Variants in ZC3H12B observed in about 807,000 individuals in gnomAD.
The protein encoded by ZC3H12B is zinc finger CCCH-type containing 12B, also known as probable ribonuclease ZC3H12B.
Under a neutral mutation model 43.9 loss-of-function variants are expected in ZC3H12B, and 7 were observed. The observed-to-expected ratio is 0.16, with a 90% CI of 0.09 to 0.30. The LOEUF is 0.30. Among genes scored for constraint, ZC3H12B ranks in the 10% least tolerant of loss-of-function variants. The pLI, the probability that ZC3H12B is intolerant of heterozygous loss-of-function variation, is 1.00. For synonymous variants in ZC3H12B, 222 were observed against 241.7 expected, an observed-to-expected ratio of 0.92 and a Z score of 0.76; for missense variants, 475 against 670.2, an observed-to-expected ratio of 0.71 and a Z score of 3.22.
At chrX:65,484,387 G>T (rs994145005), upstream of ZC3H12B, among the ~76,000 whole-genome samples, 3 of 112,201 alleles carry the variant, frequency 2.7e-5, no homozygotes, top group Non-Finnish European at 5.6e-5. Context: ...TCTACAAACA[G>T]TGGTCCAGTT....
chrX:65,323,093 C>G, the ZC3H12B span, among the ~76,000 whole-genome samples: 8 of 111,848 alleles, frequency 7.2e-5, no homozygotes, highest in Non-Finnish European at 1.5e-4. Context: ...TGTCAACAAA[C>G]AGCAACTATT....
At chrX:65,495,660 C>G (rs962709900) in intron 1 of ZC3H12B, among the ~76,000 whole-genome samples, 1 of 111,903 alleles carries the variant, frequency 8.9e-6, no homozygotes, top group Admixed American at 9.5e-5. Flanking sequence ...GCACTAGATA[C>G]CATGCTAAGA....
chrX:65,471,445 ATTTTTTTTT>A (rs781370409), intron 3 of ZC3H12B, among the ~76,000 whole-genome samples: 2 of 61,082 alleles, frequency 3.3e-5, no homozygotes, highest in Non-Finnish European at 5.9e-5. Context: ...TTGGTTTGTG[ATTTTTTTTT>A]TTTTTTTTTT....
the ZC3H12B span, among the ~76,000 whole-genome samples, chrX:65,340,628 A>G: frequency 0.22 from 24,771 of 111,436 alleles, 6,686 homozygotes; most frequent in African/African-American, 0.77. Context: ...CAGAAATGAA[A>G]CAAATCAACT....
the ZC3H12B span, among the ~76,000 whole-genome samples, chrX:65,229,287 G>T: frequency 8.9e-5 from 10 of 111,975 alleles, no homozygotes; most frequent in Non-Finnish European, 1.5e-4. Flanking sequence ...ATGGGGAAAG[G>T]ATTCCCGATT....
chrX:65,154,189 C>G, the ZC3H12B span, among the ~76,000 whole-genome samples: 1 of 111,212 alleles, frequency 9.0e-6, no homozygotes, highest in African/African-American at 3.3e-5. Flanking sequence ...ATGTAACTAA[C>G]CTGCACATTG....
the ZC3H12B span, among the ~76,000 whole-genome samples, chrX:65,179,862 A>C: frequency 8.9e-6 from 1 of 112,170 alleles, no homozygotes; most frequent in Non-Finnish European, 1.9e-5. Context: ...TGAGAAATTA[A>C]TTGTCTGTCC....
At chrX:65,245,407 A>G in the ZC3H12B span, among the ~76,000 whole-genome samples, 15,889 of 111,466 alleles carry the variant, frequency 0.14, 2,738 homozygotes, top group African/African-American at 0.49. Flanking sequence ...CTGCAGGCCA[A>G]TATCCTTGAT....
the ZC3H12B span, among the ~76,000 whole-genome samples, chrX:65,067,649 C>T: frequency 1.8e-5 from 2 of 111,884 alleles, no homozygotes; most frequent in Admixed American, 1.9e-4. Flanking sequence ...TTCTCTTAGT[C>T]TGGCTAAAGG....
chrX:65,237,009 A>T, the ZC3H12B span, among the ~76,000 whole-genome samples: 1 of 112,101 alleles, frequency 8.9e-6, no homozygotes, highest in African/African-American at 3.2e-5. Context: ...CTTTTTGCTT[A>T]GAATTGCTGT....
At chrX:65,488,161 G>A (rs1353181308), upstream of ZC3H12B, among the ~76,000 whole-genome samples, 1 of 111,300 alleles carries the variant, frequency 9.0e-6, no homozygotes, top group Non-Finnish European at 1.9e-5. Context: ...ATGAGCCACT[G>A]TGCCCGGCCC....
the ZC3H12B span, among the ~76,000 whole-genome samples, chrX:65,160,010 A>T: frequency 8.9e-6 from 1 of 111,931 alleles, no homozygotes; most frequent in Non-Finnish European, 1.9e-5. Context: ...TTCTGCATCT[A>T]TTGAGATAAT....
At chrX:65,069,535 T>C in the ZC3H12B span, among the ~76,000 whole-genome samples, 1 of 111,205 alleles carries the variant, frequency 9.0e-6, no homozygotes, top group Non-Finnish European at 1.9e-5. Context: ...GAATTCTGAA[T>C]TCCTTCTCTG....
chrX:65,390,208 G>C (rs941367716), intron 2 of ZC3H12B, among the ~76,000 whole-genome samples: 2 of 110,268 alleles, frequency 1.8e-5, no homozygotes, highest in Non-Finnish European at 3.8e-5. Flanking sequence ...ATTGAACAAT[G>C]AGAACACTTG....
At chrX:65,269,770 G>A in the ZC3H12B span, among the ~76,000 whole-genome samples, 19 of 110,297 alleles carry the variant, frequency 1.7e-4, no homozygotes, top group African/African-American at 5.6e-4. Context: ...AAAGGGCTGG[G>A]CTTAAAGGAA....
chrX:65,330,543 G>A, the ZC3H12B span, among the ~76,000 whole-genome samples: 1 of 111,425 alleles, frequency 9.0e-6, no homozygotes, highest in Non-Finnish European at 1.9e-5. Context: ...CTGTGGGTTT[G>A]TCATAGATAG....
chrX:65,373,907 AGT>A (rs1491377583), intron 2 of ZC3H12B, among the ~76,000 whole-genome samples: 34 of 843 alleles, frequency 0.04, 1 homozygote, highest in South Asian at 0.14. Context: ...ATATATATAT[AGT>A]TATATATATA....
At chrX:65,036,063 A>T in the ZC3H12B span, among the ~76,000 whole-genome samples, 1 of 111,865 alleles carries the variant, frequency 8.9e-6, no homozygotes, top group Non-Finnish European at 1.9e-5. Flanking sequence ...GGTAGCCTGC[A>T]GTTGAAGATA....
chrX:65,073,614 A>G, the ZC3H12B span, among the ~76,000 whole-genome samples: 2 of 112,209 alleles, frequency 1.8e-5, no homozygotes, highest in African/African-American at 6.5e-5. Flanking sequence ...ATGGCCATCC[A>G]TGGCTGCACT....
Sources: gnomAD v4.1 joint callset for allele counts (sites outside exome capture counted in the v4.1 genomes callset) on GRCh38, gnomAD v4.1.1 for gene constraint, MANE v1.5 for transcripts, NCBI Gene and HGNC (gene_info 2026-07-23, HGNC 2026-07-21) for gene names.